TMTC2: variants seen among roughly 807,000 people sequenced by gnomAD.
TMTC2 encodes the protein protein O-mannosyl-transferase TMTC2.
TMTC2 carries 43 observed loss-of-function variants against 82.4 expected under a neutral mutation model. That is an observed-to-expected ratio of 0.52 (90% confidence interval 0.41 to 0.67). The LOEUF is 0.67. Among genes scored for constraint, TMTC2 ranks in the 30% least tolerant of loss-of-function variants. The probability of loss-of-function intolerance (pLI) is 0.00; values close to 1 mark genes in which losing one functional copy is unlikely to be tolerated. For synonymous variants in TMTC2, 408 were observed against 381.9 expected, an observed-to-expected ratio of 1.07 and a Z score of -0.80; for missense variants, 919 against 1,012.4, an observed-to-expected ratio of 0.91 and a Z score of 1.25.
intron 11 of TMTC2, among the ~76,000 whole-genome samples, chr12:83,087,479 G>A (rs1468039028): frequency 6.6e-6 from 1 of 152,182 alleles, no homozygotes; most frequent in Admixed American, 6.5e-5. Flanking sequence ...ACTTTGCCCA[G>A]ATCCATCAGA....
intron 1 of TMTC2, among the ~76,000 whole-genome samples, chr12:82,809,934 A>G (rs1879413139): frequency 6.6e-6 from 1 of 152,154 alleles, no homozygotes; most frequent in Non-Finnish European, 1.5e-5. Context: ...ATGGGGTCAT[A>G]GACTTTGAAT....
chr12:82,728,204 CTCT>C (rs2136935414), intron 1 of TMTC2, among the ~76,000 whole-genome samples: 1 of 152,042 alleles, frequency 6.6e-6, no homozygotes, highest in East Asian at 1.9e-4. Context: ...TCTGCTGGCC[CTCT>C]GCTTGTGAGA....
chr12:82,825,799 G>A (rs1337833976), intron 1 of TMTC2, among the ~76,000 whole-genome samples: 1 of 152,008 alleles, frequency 6.6e-6, no homozygotes. Flanking sequence ...AGGTTTGACA[G>A]TTTTGTTACT....
chr12:82,915,942 C>A (rs1874975672), intron 3 of TMTC2, among the ~76,000 whole-genome samples: 1 of 152,170 alleles, frequency 6.6e-6, no homozygotes, highest in Non-Finnish European at 1.5e-5. Context: ...GTCTGTCATC[C>A]CTGCTCTTTG....
intron 1 of TMTC2, among the ~76,000 whole-genome samples, chr12:82,756,872 C>T (rs970880752): frequency 6.6e-6 from 1 of 152,122 alleles, no homozygotes; most frequent in Non-Finnish European, 1.5e-5. Flanking sequence ...AGCCCTTTGC[C>T]TCCAGGGTCT....
chr12:82,928,155 G>T (rs1555198270), intron 3 of TMTC2, among the ~76,000 whole-genome samples: 2 of 148,866 alleles, frequency 1.3e-5, no homozygotes, highest in Non-Finnish European at 3.0e-5. Flanking sequence ...TTTGCTATTA[G>T]TTTTTTTTTT....
chr12:82,949,168 T>C (rs542491010), intron 4 of TMTC2, among the ~76,000 whole-genome samples: 1 of 152,208 alleles, frequency 6.6e-6, no homozygotes, highest in Admixed American at 6.5e-5. Flanking sequence ...CTCCAACTGA[T>C]AGGTGTTTCT....
At chr12:83,117,405 C>T (rs1258975119) in intron 11 of TMTC2, among the ~76,000 whole-genome samples, 1 of 152,124 alleles carries the variant, frequency 6.6e-6, no homozygotes, top group Non-Finnish European at 1.5e-5. Context: ...AACAACATAT[C>T]GAAAAGATAA....
intron 10 of TMTC2, among the ~76,000 whole-genome samples, chr12:83,053,240 T>C (rs1251891206): frequency 6.6e-6 from 1 of 152,150 alleles, no homozygotes; most frequent in Non-Finnish European, 1.5e-5. Context: ...TAAATTAAGT[T>C]TGATATTCTT....
chr12:83,009,942 G>T (rs1206369303), intron 8 of TMTC2, among the ~76,000 whole-genome samples: 1 of 152,186 alleles, frequency 6.6e-6, no homozygotes, highest in Non-Finnish European at 1.5e-5. Context: ...TTGTGTTCCT[G>T]TGAGAATCTA....
chr12:83,023,052 A>G (rs551753023), intron 8 of TMTC2, among the ~76,000 whole-genome samples: 2 of 152,372 alleles, frequency 1.3e-5, no homozygotes, highest in East Asian at 3.9e-4. Context: ...ATAGGTAGAA[A>G]TAGAATCAGT....
intron 11 of TMTC2, among the ~76,000 whole-genome samples, chr12:83,088,648 C>T (rs1313860247): frequency 6.6e-6 from 1 of 152,148 alleles, no homozygotes. Context: ...AGTCAGAGCA[C>T]ACACAACATT....
chr12:82,956,470 T>C (rs1386921464), intron 4 of TMTC2, among the ~76,000 whole-genome samples: 6 of 152,076 alleles, frequency 3.9e-5, no homozygotes. Context: ...ATTTATTTGT[T>C]TGAGACAGAG....
chr12:82,899,631 T>C (rs151224599), intron 3 of TMTC2, among the ~76,000 whole-genome samples: 3,732 of 126,936 alleles, frequency 0.029, 67 homozygotes, highest in African/African-American at 0.043. Context: ...AATATATATA[T>C]GTGGAATATA....
At chr12:82,717,018 C>T (rs541418706) in intron 1 of TMTC2, among the ~76,000 whole-genome samples, 1 of 152,110 alleles carries the variant, frequency 6.6e-6, no homozygotes, top group South Asian at 2.1e-4. Flanking sequence ...TAAAGCATCA[C>T]GAATCTTAAG....
chr12:82,834,423 C>T (rs766998288), intron 1 of TMTC2, among the ~76,000 whole-genome samples: 3 of 152,192 alleles, frequency 2.0e-5, no homozygotes, highest in South Asian at 4.1e-4. Flanking sequence ...TCGCTAAGTT[C>T]CGACTTGGCA....
At chr12:83,031,728 C>T (rs1430700369) in intron 9 of TMTC2, among the ~76,000 whole-genome samples, 2 of 152,012 alleles carry the variant, frequency 1.3e-5, no homozygotes, top group African/African-American at 4.8e-5. Context: ...ATATTTAATT[C>T]CTTCTCCCAG....
At chr12:82,936,546 G>A (rs146779610) in intron 4 of TMTC2, among the ~76,000 whole-genome samples, 2 of 152,094 alleles carry the variant, frequency 1.3e-5, no homozygotes, top group East Asian at 3.9e-4. Flanking sequence ...ACCATTATCA[G>A]ATAGGCTTTA....
intron 11 of TMTC2, among the ~76,000 whole-genome samples, chr12:83,067,846 T>A (rs75267370): frequency 0.02 from 3,007 of 152,204 alleles, 86 homozygotes; most frequent in African/African-American, 0.066. Flanking sequence ...ATTTCTAATA[T>A]TTAGAATATT....
Sources: allele counts gnomAD v4.1 joint callset (sites outside exome capture counted in the v4.1 genomes callset), GRCh38; gene constraint gnomAD v4.1.1; transcripts MANE v1.5; gene names NCBI Gene and HGNC (gene_info 2026-07-23, HGNC 2026-07-21).